Variants in ATXN7L1 observed in about 807,000 individuals in gnomAD.
The protein encoded by ATXN7L1 is ataxin-7-like protein 1.
ATXN7L1 carries 15 observed loss-of-function variants against 70.8 expected under a neutral mutation model. That is an observed-to-expected ratio of 0.21 (90% CI 0.14 to 0.33). ATXN7L1 has a LOEUF of 0.33. Ranked by LOEUF, ATXN7L1 falls within the 10% of genes least tolerant of loss-of-function variation. ATXN7L1 has a pLI of 1.00. For missense variants in ATXN7L1, 975 were observed against 1,097.1 expected (o/e 0.89, Z 1.57); for synonymous variants, 440 against 445.1 (o/e 0.99, Z 0.14).
chr7:105,846,659 C>T (rs968046443), intron 2 of ATXN7L1, among the ~76,000 whole-genome samples: 2 of 152,192 alleles, frequency 1.3e-5, no homozygotes, highest in African/African-American at 4.8e-5. Flanking sequence ...AACTTATACA[C>T]ATGCTCACAG....
chr7:105,711,778 T>G (rs547567100), intron 3 of ATXN7L1, among the ~76,000 whole-genome samples: 1 of 152,284 alleles, frequency 6.6e-6, no homozygotes, highest in Admixed American at 6.5e-5. Flanking sequence ...TATCTACCAT[T>G]CTGGGGTGGG....
chr7:105,706,283 TC>T (rs10712879), intron 3 of ATXN7L1, among the ~76,000 whole-genome samples: 38,719 of 151,614 alleles, frequency 0.26, 5,311 homozygotes, highest in East Asian at 0.35. Flanking sequence ...AACCTCTGCC[TC>T]CCGGGTTCAA....
intron 3 of ATXN7L1, among the ~76,000 whole-genome samples, chr7:105,716,099 C>G (rs1794511864): frequency 6.6e-6 from 1 of 152,024 alleles, no homozygotes; most frequent in African/African-American, 2.4e-5. Context: ...TCATCTGAGG[C>G]CACATCTGTC....
At chr7:105,640,321 C>T (rs1329008663) in intron 5 of ATXN7L1, among the ~76,000 whole-genome samples, 1 of 152,148 alleles carries the variant, frequency 6.6e-6, no homozygotes, top group African/African-American at 2.4e-5. Flanking sequence ...GGGAATAAAA[C>T]GGGGCAGGCT....
chr7:105,875,554 C>T (rs1455674514), intron 2 of ATXN7L1, among the ~76,000 whole-genome samples: 4 of 151,440 alleles, frequency 2.6e-5, no homozygotes, highest in Non-Finnish European at 5.9e-5. Flanking sequence ...GGCAGATATG[C>T]ATCAGAAGGT....
At chr7:105,636,881 T>C (rs763035122) in intron 7 of ATXN7L1, among the ~76,000 whole-genome samples, 3 of 152,008 alleles carry the variant, frequency 2.0e-5, no homozygotes, top group African/African-American at 4.8e-5. Context: ...CATAATAAGG[T>C]TGTGCTGGAA....
chr7:105,839,733 C>T (rs534142198), intron 2 of ATXN7L1, among the ~76,000 whole-genome samples: 10 of 152,276 alleles, frequency 6.6e-5, no homozygotes, highest in African/African-American at 1.9e-4. Flanking sequence ...AGCCCATGAA[C>T]ACCCATGGGA....
At chr7:105,666,029 CTG>C (rs1487745090) in intron 3 of ATXN7L1, among the ~76,000 whole-genome samples, 1 of 152,236 alleles carries the variant, frequency 6.6e-6, no homozygotes, top group Non-Finnish European at 1.5e-5. Context: ...CTGTTAGCCA[CTG>C]TGCTTTCGAC....
chr7:105,630,572 A>G (rs1344501163), intron 7 of ATXN7L1, among the ~76,000 whole-genome samples: 1 of 152,090 alleles, frequency 6.6e-6, no homozygotes, highest in East Asian at 1.9e-4. Flanking sequence ...AAATACAGAA[A>G]TTAGCCAGGC....
chr7:105,614,686 A>G lies in ATXN7L1; in HGVS notation c.1648T>C (p.Ser550Pro), dbSNP rs1793599290. The G allele has an allele frequency of 6.4e-7, 1 of 1,551,582 alleles. No homozygotes were observed. Among genetic ancestry groups the G allele is most frequent in the Non-Finnish European group, 8.7e-7 (1 of 1,147,016 alleles). ...AVYLPSAPIS[S>P]RLTSSYIMTS... ...ATTATGTAAGAAGAGGTGAGCCTCG[A>G]GCTGATGGGAGCTGAAGGAAGATAC... is the stretch of plus-strand genomic sequence containing the variant. Residue 550 changes from serine (S) to proline (P), a missense_variant, in exon 10 of 12, where the codon TCG becomes CCG. By Grantham distance (74) the Ser-to-Pro change is moderately conservative. Transcript: ENST00000419735. The surrounding 1 kb of genome is among the most constrained non-coding windows in gnomAD (Gnocchi z 4.3).
chr7:105,627,377 G>A (rs1795857527), intron 7 of ATXN7L1, among the ~76,000 whole-genome samples: 1 of 151,986 alleles, frequency 6.6e-6, no homozygotes, highest in Non-Finnish European at 1.5e-5. Context: ...TGGGCTTATA[G>A]GCATGTGTCA....
intron 2 of ATXN7L1, among the ~76,000 whole-genome samples, chr7:105,858,027 T>C (rs553104205): frequency 2.6e-5 from 4 of 151,748 alleles, no homozygotes; most frequent in Admixed American, 1.3e-4. Context: ...GGCCCAGGAG[T>C]TGGAGACCAG....
chr7:105,714,153 C>G lies in ATXN7L1; in HGVS notation c.356-48865G>C, dbSNP rs562123306. Among the ~76,000 whole-genome samples the G allele has an allele frequency of 3.3e-5, 5 of 152,378 alleles. No homozygotes were observed. In the East Asian group the frequency reaches 9.6e-4, roughly 29 times the overall value. ...AGATGAGTAAGCAAGCCTAGAGAGG[C>G]TAAGTAGCTTGCCCAAGCCACCCAC... On this transcript the variant is annotated intron_variant, in intron 3 of 11. Coordinates refer to ENST00000419735, the MANE Select transcript of ATXN7L1 (RefSeq NM_020725.2).
intron 3 of ATXN7L1, among the ~76,000 whole-genome samples, chr7:105,699,877 G>T (rs1295008232): frequency 6.6e-6 from 1 of 152,130 alleles, no homozygotes; most frequent in Non-Finnish European, 1.5e-5. Context: ...TTATGTGAAG[G>T]CCTGCCCCCA....
At chr7:105,682,301 C>T (rs1805647628) in intron 3 of ATXN7L1, among the ~76,000 whole-genome samples, 2 of 152,102 alleles carry the variant, frequency 1.3e-5, no homozygotes, top group South Asian at 2.1e-4. Flanking sequence ...ACACTTAATT[C>T]CACAGAACTG....
At chr7:105,657,940 T>C (rs1800938073) in intron 4 of ATXN7L1, among the ~76,000 whole-genome samples, 1 of 152,164 alleles carries the variant, frequency 6.6e-6, no homozygotes, top group Non-Finnish European at 1.5e-5. Context: ...AATGAAAATT[T>C]AGTGTCCAAA....
At chr7:105,759,467 TG>T (rs1563070727) in intron 3 of ATXN7L1, among the ~76,000 whole-genome samples, 7,235 of 118,354 alleles carry the variant, frequency 0.061, 621 homozygotes, top group African/African-American at 0.21. Flanking sequence ...TGTGTGTGTG[TG>T]TGTGTGTGTG....
At chr7:105,851,312 G>C (rs1434457524) in intron 2 of ATXN7L1, among the ~76,000 whole-genome samples, 2 of 152,168 alleles carry the variant, frequency 1.3e-5, no homozygotes, top group African/African-American at 4.8e-5. Flanking sequence ...GTTAGCTAAG[G>C]TCTGACTGCA....
chr7:105,627,831 C>T (rs1332305569), intron 7 of ATXN7L1, among the ~76,000 whole-genome samples: 2 of 145,056 alleles, frequency 1.4e-5, no homozygotes, highest in African/African-American at 2.6e-5. Context: ...CACGCCCGGT[C>T]CTGTCTTTAG....
Sources: gnomAD v4.1 joint callset for allele counts (sites outside exome capture counted in the v4.1 genomes callset) on GRCh38, gnomAD v4.1.1 for gene constraint, Gnocchi (gnomAD v3.1) non-coding constraint, MANE v1.5 for transcripts, NCBI Gene and HGNC (gene_info 2026-07-23, HGNC 2026-07-21) for gene names.